Variants in CHODL observed in about 807,000 individuals in gnomAD.
CHODL encodes the protein chondrolectin.
CHODL carries 29 observed loss-of-function variants against 34.5 expected under a neutral mutation model. That is an observed-to-expected ratio of 0.84 (90% CI 0.63 to 1.15). The LOEUF (loss-of-function observed/expected upper bound fraction) is 1.15, where lower values mean the gene tolerates loss of function less well. Ranked by LOEUF, CHODL falls within the 50% of genes most tolerant of loss-of-function variation. CHODL has a pLI of 0.00. For missense variants in CHODL, 332 were observed against 332.5 expected (o/e 1.00, Z 0.01); for synonymous variants, 125 against 116.1 (o/e 1.08, Z -0.49).
At chr21:18,249,650 A>G (rs2074211381) in intron 1 of CHODL, among the ~76,000 whole-genome samples, 1 of 152,136 alleles carries the variant, frequency 6.6e-6, no homozygotes, top group Admixed American at 6.5e-5. Flanking sequence ...TTTCACCTTT[A>G]TATTAGGTTT....
chr21:18,053,311 T>C lies in CHODL; in HGVS notation c.-45+25340T>C, dbSNP rs189562833. 2.0e-5 allele frequency among the ~76,000 whole-genome samples: 3 copies of C among 152,102 alleles called. No homozygotes were observed. The East Asian group carries it at 5.8e-4, about 29-fold the overall frequency. On this transcript the variant is annotated intron_variant, in intron 2 of 6. Transcript: ENST00000400127. Reference sequence around the variant, plus strand: ...CCATAGGATCTTTACATCATTGTAATTGGCATTGCTAGCTTAAAGCACTAT... The same window carrying C: ...CCATAGGATCTTTACATCATTGTAACTGGCATTGCTAGCTTAAAGCACTAT...
At chr21:17,938,630 C>T (rs2063338355) in intron 1 of CHODL, among the ~76,000 whole-genome samples, 1 of 152,036 alleles carries the variant, frequency 6.6e-6, no homozygotes, top group East Asian at 1.9e-4. Context: ...AGGCGCCCGC[C>T]ACCGCGCCTG....
At chr21:18,212,792 T>C (rs951463850) in intron 2 of CHODL, among the ~76,000 whole-genome samples, 48 of 152,120 alleles carry the variant, frequency 3.2e-4, no homozygotes, top group Admixed American at 3.9e-4. Context: ...AAAAATTGTG[T>C]GTTGATATTC....
chr21:18,097,364 A>T (rs1270941915), intron 2 of CHODL, among the ~76,000 whole-genome samples: 1 of 152,182 alleles, frequency 6.6e-6, no homozygotes, highest in Non-Finnish European at 1.5e-5. Flanking sequence ...GGTAAAACAA[A>T]TTGAGTAAAG....
intron 3 of CHODL, among the ~76,000 whole-genome samples, chr21:18,259,382 GA>G (rs996334840): frequency 6.6e-6 from 1 of 151,750 alleles, no homozygotes; most frequent in Non-Finnish European, 1.5e-5. Flanking sequence ...TGTAGCAAGA[GA>G]AAAAAAAGCC....
intron 1 of CHODL, among the ~76,000 whole-genome samples, chr21:17,961,141 A>G (rs1303250649): frequency 6.6e-6 from 1 of 152,158 alleles, no homozygotes; most frequent in African/African-American, 2.4e-5. Context: ...AGTACACTGT[A>G]TCTGGATGTT....
At chr21:18,109,185 T>A (rs1361948983) in intron 2 of CHODL, among the ~76,000 whole-genome samples, 2 of 152,188 alleles carry the variant, frequency 1.3e-5, no homozygotes, top group African/African-American at 2.4e-5. Flanking sequence ...TATTTATTTT[T>A]CTTTTTCATG....
rs536021611 is a variant in CHODL, at chr21:18,210,317, C to T, written c.-44-46192C>T. Among the ~76,000 whole-genome samples, 36 of 152,292 alleles carry T rather than the reference C, an allele frequency of 2.4e-4. No individual in the cohort carries two copies. The South Asian group carries it at 4.1e-3, about 18-fold the overall frequency. On this transcript the variant is annotated intron_variant, in intron 2 of 6. Coordinates refer to the CHODL transcript ENST00000400127. ...CCACAATCACGGCACTTCCCCTCCC[C>T]GATGTGCACAGATTCTCTCTCTGTG...
chr21:18,003,797 G>A (rs2063934176), intron 1 of CHODL, among the ~76,000 whole-genome samples: 1 of 152,120 alleles, frequency 6.6e-6, no homozygotes, highest in African/African-American at 2.4e-5. Flanking sequence ...TCCAGCACAG[G>A]GCTTCAGCTC....
intron 2 of CHODL, among the ~76,000 whole-genome samples, chr21:18,086,066 T>G (rs1490614416): frequency 8.0e-6 from 1 of 124,248 alleles, no homozygotes; most frequent in Non-Finnish European, 1.7e-5. Flanking sequence ...TTTTTTTTTT[T>G]TGCCTGCTTG....
intron 1 of CHODL, among the ~76,000 whole-genome samples, chr21:17,956,059 A>G (rs2063491876): frequency 7.3e-6 from 1 of 136,532 alleles, no homozygotes; most frequent in East Asian, 2.2e-4. Context: ...GAGTCAAAAG[A>G]GAAGCATCTC....
chr21:17,930,612 T>C (rs1770583552), intron 1 of CHODL, among the ~76,000 whole-genome samples: 1 of 152,254 alleles, frequency 6.6e-6, no homozygotes, highest in Non-Finnish European at 1.5e-5. Flanking sequence ...ACATGTTTGC[T>C]GGTCCGGTCC....
chr21:18,240,748 T>G (rs1192376449), upstream of CHODL, among the ~76,000 whole-genome samples: 2 of 152,144 alleles, frequency 1.3e-5, no homozygotes, highest in African/African-American at 4.8e-5. Flanking sequence ...AAAAGAAATT[T>G]TAATTGAGTT....
intron 2 of CHODL, among the ~76,000 whole-genome samples, chr21:18,167,247 G>A (rs970720260): frequency 3.0e-4 from 41 of 136,966 alleles, no homozygotes; most frequent in African/African-American, 9.9e-4. Context: ...GTGTGTGTGT[G>A]TGTGTGTGTA....
At chr21:17,932,188 C>A (rs1173752863) in intron 1 of CHODL, among the ~76,000 whole-genome samples, 6 of 151,866 alleles carry the variant, frequency 4.0e-5, no homozygotes, top group African/African-American at 7.3e-5. Context: ...AAGTGACCAA[C>A]AAAGATATGA....
intron 1 of CHODL, among the ~76,000 whole-genome samples, chr21:18,018,247 T>C (rs2064093936): frequency 6.6e-6 from 1 of 152,176 alleles, no homozygotes; most frequent in South Asian, 2.1e-4. Flanking sequence ...TGGGAAGGTA[T>C]GATTATATTT....
chr21:18,066,479 G>A (rs564169120), intron 2 of CHODL, among the ~76,000 whole-genome samples: 1 of 152,256 alleles, frequency 6.6e-6, no homozygotes, highest in Non-Finnish European at 1.5e-5. Flanking sequence ...TCCGTTTTCT[G>A]CATGAATAAG....
chr21:17,997,639 C>T (rs139472380), intron 1 of CHODL, among the ~76,000 whole-genome samples: 8 of 152,114 alleles, frequency 5.3e-5, no homozygotes, highest in Non-Finnish European at 1.0e-4. Flanking sequence ...AGAATCATAG[C>T]GGGAGATGAA....
chr21:18,131,412 CTA>C (rs1601045241), intron 2 of CHODL, among the ~76,000 whole-genome samples: 1 of 152,226 alleles, frequency 6.6e-6, no homozygotes, highest in East Asian at 1.9e-4. Flanking sequence ...CAATGTAAAT[CTA>C]TTCTCATCAC....
Sources: allele counts gnomAD v4.1 joint callset (sites outside exome capture counted in the v4.1 genomes callset), GRCh38; gene constraint gnomAD v4.1.1; transcripts MANE v1.5; gene names NCBI Gene and HGNC (gene_info 2026-07-23, HGNC 2026-07-21).